Variants in GSDMB observed in about 807,000 individuals in gnomAD.
The protein encoded by GSDMB is gasdermin B.
A neutral mutation model predicts 42.9 loss-of-function variants in GSDMB; 32 were observed. That is an observed-to-expected ratio of 0.75 (90% CI 0.56 to 1.00). The LOEUF is 1.00. Ranked by LOEUF, GSDMB falls within the 50% of genes least tolerant of loss-of-function variation. GSDMB has a pLI of 0.00. For synonymous variants in GSDMB, 175 were observed against 193.7 expected (o/e 0.90, Z 0.80); for missense variants, 468 against 498.5 (o/e 0.94, Z 0.58).
chr17:39,909,566 G>A (rs1464783619), intron 4 of GSDMB, 190 bp downstream of exon 4: 6 of 564,770 alleles, frequency 1.1e-5, no homozygotes, highest in African/African-American at 9.4e-5. Flanking sequence ...CAAATGAAAA[G>A]AGGGCACCGC....
At chr17:39,917,592 C>T (rs564251389) in intron 1 of GSDMB, 61 of 405,454 alleles carry the variant, frequency 1.5e-4, no homozygotes, top group South Asian at 1.1e-3. Context: ...TCCCCGCCGC[C>T]GCCCTTAAGA....
intron 2 of GSDMB, among the ~76,000 whole-genome samples, chr17:39,914,060 C>T (rs2063662435): frequency 6.6e-6 from 1 of 152,028 alleles, no homozygotes; most frequent in South Asian, 2.1e-4. Context: ...AAACTATGTG[C>T]ACAAAGAGTA....
chr17:39,913,175 T>G (rs979573932), intron 2 of GSDMB, among the ~76,000 whole-genome samples: 1 of 151,932 alleles, frequency 6.6e-6, no homozygotes, highest in African/African-American at 2.4e-5. Context: ...ATGAAGAAAT[T>G]AAATATAATG....
intron 2 of GSDMB, among the ~76,000 whole-genome samples, chr17:39,912,967 C>A (rs1329756601): frequency 1.3e-5 from 2 of 151,786 alleles, no homozygotes; most frequent in Admixed American, 1.3e-4. Context: ...AGTAGCCAGG[C>A]CTGGTGGTGT....
At chr17:39,907,046 C>T (rs993169163) in intron 6 of GSDMB, 59 bp from the exon 7 acceptor site, 1 of 1,611,608 alleles carries the variant, frequency 6.2e-7, no homozygotes, top group Non-Finnish European at 8.5e-7. Context: ...CCCCTGCAGA[C>T]TTCTCTTCCC....
rs747114030 is a variant in GSDMB, at chr17:39,905,443, G to A, written c.1081C>T (p.Pro361Ser). Residue 361 changes from proline to serine, a missense_variant, in exon 10 of 11, where the codon CCT becomes TCT. Coordinates refer to ENST00000418519, the MANE Select transcript of GSDMB (RefSeq NM_001165958.2). ...TGTCTCACCTGGTCCTTCAACAGAG[G>A]AAGGGTCCCCTTCTCCAGGGCCTCA... ...VAEALEKGTL[P>S]LLKDQVKSVM... 6.2e-7 allele frequency: 1 copy of A among 1,607,328 alleles called. No individual in the cohort carries two copies. The highest frequency in any genetic ancestry group is 8.5e-7 in the Non-Finnish European group (1 of 1,176,792).
Position 39,917,074 on chromosome 17 carries a change from A to G in GSDMB, c.235+8T>C. The G allele has an allele frequency of 6.3e-7, 1 of 1,598,742 alleles. No homozygotes were observed. The highest frequency in any genetic ancestry group is 1.7e-5 in the Admixed American group (1 of 60,008). On this transcript the variant is annotated splice_region_variant and intron_variant, in intron 2 of 10. Coordinates refer to ENST00000418519, the MANE Select transcript of GSDMB (RefSeq NM_001165958.2). ...TGGCTGGCCACCTGTCATCTACCTT[A>G]TACTGACCTTGGAGCCCAGAATCCA...
Position 39,905,852 on chromosome 17 carries a change from AG to A in GSDMB, c.1021del (p.Leu341CysfsTer2). 4 of 1,613,774 alleles carry A rather than the reference AG, an allele frequency of 2.5e-6. No homozygotes were observed. The highest frequency in any genetic ancestry group is 3.4e-6 in the Non-Finnish European group (4 of 1,179,854). On this transcript the variant is annotated frameshift_variant, in exon 9 of 11. Coordinates refer to ENST00000418519, the MANE Select transcript of GSDMB (RefSeq NM_001165958.2). LOFTEE classifies it high-confidence loss of function. ...ACAGCGAGACCCTTCCTCACCTAGCAGGGCATCCAGGAAGTCCAGAATGGCT... is the reference window on the plus strand; with the variant it reads ...ACAGCGAGACCCTTCCTCACCTAGCAGGCATCCAGGAAGTCCAGAATGGCT... ...AKAILDFLDALLELSEEQQFV... is the reference protein window; with the variant it reads ...AKAILDFLDAXLELSEEQQFV...
intron 3 of GSDMB, among the ~76,000 whole-genome samples, chr17:39,910,328 CAAAT>C (rs1598276674): frequency 6.6e-6 from 1 of 152,096 alleles, no homozygotes; most frequent in Non-Finnish European, 1.5e-5. Context: ...CACCTCAAAA[CAAAT>C]AAATAAAAAC....
chr17:39,906,741 G>C (rs2063511727), intron 7 of GSDMB: 1 of 1,316,998 alleles, frequency 7.6e-7, no homozygotes, highest in South Asian at 1.9e-5. Context: ...GTCGTCACTA[G>C]TTTTAAAGTT....
intron 2 of GSDMB, among the ~76,000 whole-genome samples, chr17:39,916,218 A>G (rs2063706842): frequency 2.0e-5 from 3 of 150,536 alleles, no homozygotes; most frequent in Non-Finnish European, 4.4e-5. Flanking sequence ...GATAACTTTT[A>G]TTGGGTGCTC....
Position 39,904,958 on chromosome 17 carries a change from A to C in GSDMB, c.1105T>G (p.Ser369Ala), listed in dbSNP as rs1465396858. Residue 369 changes from serine (S) to alanine (A), a missense_variant, in exon 11 of 11, where the codon TCT becomes GCT. Physicochemically the swap from Ser to Ala is moderately conservative, Grantham distance 99. Coordinates refer to ENST00000418519, the MANE Select transcript of GSDMB (RefSeq NM_001165958.2). The stretch of plus-strand genomic sequence containing the variant: ...TCATCCCAGTTCTGCTCCATGACAG[A>C]TTTCACCTGGAAGGAAACCCCCCAG... ...TLPLLKDQVK[S>A]VMEQNWDELA... 1 of 1,613,368 alleles carries C rather than the reference A, an allele frequency of 6.2e-7. No homozygotes were observed. The highest frequency in any genetic ancestry group is 8.5e-7 in the Non-Finnish European group (1 of 1,179,642).
chr17:39,908,962 C>G lies in GSDMB; in HGVS notation c.657G>C (p.Thr219=), dbSNP rs1335103118. 6.3e-7 allele frequency: 1 copy of G among 1,595,936 alleles called. No homozygotes were observed. Among genetic ancestry groups the G allele is most frequent in the Non-Finnish European group, 8.6e-7 (1 of 1,166,494 alleles). The change falls in exon 5 of 11, where the codon ACG becomes ACC. Residue 219 remains threonine, a synonymous_variant. Coordinates refer to ENST00000418519, the MANE Select transcript of GSDMB (RefSeq NM_001165958.2). ...TCTCCATCTGCCTTTGCTTACTCAT[C>G]GTCTCCTTGTTGGGGAAGACAAGCT... The part of the protein sequence containing the change: ...VKQLVFPNKE[T]MNIHFRGKTK...
At chr17:39,917,853 G>C (rs897414591) in intron 1 of GSDMB, 1 of 160,248 alleles carries the variant, frequency 6.2e-6, no homozygotes, top group African/African-American at 2.4e-5. Flanking sequence ...AAGGTTCCAG[G>C]ACAATCAGTA....
Position 39,905,915 on chromosome 17 carries a change from A to T in GSDMB, c.959T>A (p.Phe320Tyr). Residue 320 changes from phenylalanine (F) to tyrosine (Y), a missense_variant, in exon 9 of 11, where the codon TTT (phenylalanine) becomes TAT (tyrosine). By Grantham distance (22) the Phe-to-Tyr change is conservative. Transcript: ENST00000418519. ...DPDKPLLSSL[F>Y]NAAGVLVEAR... ...TTCTACCAAGACCCCAGCAGCATTA[A>T]AAAGGCTGCTTAGGAGAGGCTTGTC... The T allele has an allele frequency of 1.2e-6, 2 of 1,613,930 alleles. No homozygotes were observed. The highest frequency in any genetic ancestry group is 8.5e-7 in the Non-Finnish European group (1 of 1,179,830).
At chr17:39,905,575 T>C in intron 9 of GSDMB, 79 bp from the exon 10 acceptor site, 2 of 1,183,338 alleles carry the variant, frequency 1.7e-6, no homozygotes, top group Non-Finnish European at 2.5e-6. Flanking sequence ...ACCCAGAACA[T>C]GTATCATCAA....
chr17:39,917,580 T>TCC (rs1208394082), intron 1 of GSDMB: 1 of 385,336 alleles, frequency 2.6e-6, no homozygotes, highest in African/African-American at 4.4e-5. Flanking sequence ...TACAATATAG[T>TCC]CTCCCCGCCG....
At chr17:39,914,711 G>A (rs1360680696) in intron 2 of GSDMB, among the ~76,000 whole-genome samples, 2 of 141,730 alleles carry the variant, frequency 1.4e-5, no homozygotes, top group East Asian at 4.2e-4. Flanking sequence ...GCAGTGAGCC[G>A]AGATCGCGCC....
At chr17:39,907,121 T>C in intron 6 of GSDMB, 134 bp from the exon 7 acceptor site, 1 of 1,514,964 alleles carries the variant, frequency 6.6e-7, no homozygotes, top group Admixed American at 2.0e-5. Context: ...GCCTGCATCC[T>C]CACCAGCGTG....
Sources: gnomAD v4.1 joint callset for allele counts (sites outside exome capture counted in the v4.1 genomes callset) on GRCh38, gnomAD v4.1.1 for gene constraint, MANE v1.5 for transcripts, NCBI Gene and HGNC (gene_info 2026-07-23, HGNC 2026-07-21) for gene names.